SAXO1: variants seen among roughly 807,000 people sequenced by gnomAD.
The protein encoded by SAXO1 is stabilizer of axonemal microtubules 1.
A neutral mutation model predicts 17.5 loss-of-function variants in SAXO1; 21 were observed. That is an observed-to-expected ratio of 1.20 (90% CI 0.85 to 1.72). The LOEUF is 1.72. Ranked by LOEUF, SAXO1 falls within the 40% of genes most tolerant of loss-of-function variation. SAXO1 has a pLI of 0.00. For synonymous variants in SAXO1, 274 were observed against 216.5 expected (o/e 1.27, Z -2.33); for missense variants, 843 against 596.0 (o/e 1.41, Z -4.32).
chr9:18,929,519 T>A (rs1253549453), intron 3 of SAXO1, among the ~76,000 whole-genome samples: 2 of 152,258 alleles, frequency 1.3e-5, no homozygotes, highest in African/African-American at 2.4e-5. Context: ...GCCTACCTGG[T>A]CGTCTGTGGA....
intron 1 of SAXO1, among the ~76,000 whole-genome samples, chr9:18,997,995 C>T (rs760751133): frequency 6.6e-6 from 1 of 152,184 alleles, no homozygotes; most frequent in Non-Finnish European, 1.5e-5. Context: ...GTAGATAAAA[C>T]CTCTAACATG....
chr9:18,977,993 CAAAAA>C lies in SAXO1; in HGVS notation c.39-27061_39-27057del, dbSNP rs371914686. 4.1e-5 allele frequency among the ~76,000 whole-genome samples: 4 copies of C among 98,654 alleles called. No individual in the cohort carries two copies. The East Asian group carries it at 1.3e-3, about 33-fold the overall frequency. The allele number at this position is 98,654 out of a possible 152,430, so 64.7% of individuals were successfully genotyped here. A position where few individuals can be genotyped will look rare whatever the true frequency, so the allele number is the denominator to read the frequency against. ...CCTGGGTAAGAGAATGAGACCCTGC[CAAAAA>C]AAAAAAAAAAAAAAAAAAAAAAAAA... On this transcript the variant is annotated intron_variant, in intron 1 of 3. Coordinates refer to ENST00000380534, the MANE Select transcript of SAXO1 (RefSeq NM_153707.4).
At chr9:18,984,385 G>A (rs936063981) in intron 1 of SAXO1, among the ~76,000 whole-genome samples, 1 of 152,204 alleles carries the variant, frequency 6.6e-6, no homozygotes, top group Non-Finnish European at 1.5e-5. Flanking sequence ...AGCTATAAAA[G>A]TCCTAGATGG....
chr9:18,986,056 T>C (rs1415917202), intron 1 of SAXO1, among the ~76,000 whole-genome samples: 1 of 152,208 alleles, frequency 6.6e-6, no homozygotes, highest in African/African-American at 2.4e-5. Flanking sequence ...TCACACATGA[T>C]TGCACTTTCA....
chr9:19,030,044 G>T (rs148152304), intron 1 of SAXO1, among the ~76,000 whole-genome samples: 1 of 152,338 alleles, frequency 6.6e-6, no homozygotes, highest in African/African-American at 2.4e-5. Flanking sequence ...GATGCATAGA[G>T]GATGAGAACA....
intron 1 of SAXO1, among the ~76,000 whole-genome samples, chr9:18,982,026 A>T (rs752815956): frequency 2.8e-4 from 43 of 152,128 alleles, no homozygotes; most frequent in Non-Finnish European, 5.6e-4. Flanking sequence ...ACCACGCCAG[A>T]GCGACCAGTA....
At chr9:19,037,999 T>C (rs1563997282), upstream of SAXO1, among the ~76,000 whole-genome samples, 1 of 152,148 alleles carries the variant, frequency 6.6e-6, no homozygotes, top group Non-Finnish European at 1.5e-5. Flanking sequence ...CTGTGTATCA[T>C]GAAAAAATGC....
At chr9:19,013,066 C>A (rs1314871711) in intron 1 of SAXO1, among the ~76,000 whole-genome samples, 1 of 152,174 alleles carries the variant, frequency 6.6e-6, no homozygotes. Context: ...AAGCTACACA[C>A]AGGCACCTCT....
At chr9:18,957,388 G>T (rs1029815142) in intron 1 of SAXO1, among the ~76,000 whole-genome samples, 3 of 152,202 alleles carry the variant, frequency 2.0e-5, no homozygotes, top group Non-Finnish European at 4.4e-5. Flanking sequence ...TGGATGCTGA[G>T]TTACTTCCCA....
At chr9:19,043,405 T>C (rs576687789) in intron 1 of SAXO1, among the ~76,000 whole-genome samples, 5 of 152,140 alleles carry the variant, frequency 3.3e-5, no homozygotes, top group African/African-American at 1.2e-4. Flanking sequence ...CTGGGAAGGA[T>C]AACAGGGGGG....
intron 1 of SAXO1, among the ~76,000 whole-genome samples, chr9:19,038,546 G>C (rs1835999618): frequency 7.2e-6 from 1 of 138,838 alleles, no homozygotes; most frequent in African/African-American, 2.7e-5. Context: ...TCATAGATGG[G>C]AATTGAACAA....
At chr9:18,981,901 C>G (rs535553608) in intron 1 of SAXO1, among the ~76,000 whole-genome samples, 81 of 152,334 alleles carry the variant, frequency 5.3e-4, no homozygotes, top group African/African-American at 1.7e-3. Flanking sequence ...CTACATCTTG[C>G]CACACTCAAG....
intron 2 of SAXO1, 100 bp from the exon 3 acceptor site, chr9:18,941,939 G>C: frequency 9.0e-7 from 1 of 1,112,710 alleles, no homozygotes; most frequent in Non-Finnish European, 1.3e-6. Context: ...GAGAAGTCCT[G>C]TTCTACTCTA....
At chr9:18,941,528 T>C (rs973856197) in intron 3 of SAXO1, 109 bp downstream of exon 3, 2 of 1,254,336 alleles carry the variant, frequency 1.6e-6, no homozygotes, top group Non-Finnish European at 2.3e-6. Context: ...CCGTAGGAAG[T>C]AGTCTGCCAA....
chr9:18,974,229 G>C (rs528288088), intron 1 of SAXO1, among the ~76,000 whole-genome samples: 1 of 152,184 alleles, frequency 6.6e-6, no homozygotes, highest in African/African-American at 2.4e-5. Context: ...TCTAAACATG[G>C]AAAGAAGAAA....
intron 1 of SAXO1, among the ~76,000 whole-genome samples, chr9:19,018,849 C>A (rs141550941): frequency 1.1e-3 from 175 of 152,304 alleles, no homozygotes; most frequent in African/African-American, 4.1e-3. Context: ...GTGGCTTACA[C>A]CTGTAATCCC....
intron 1 of SAXO1, among the ~76,000 whole-genome samples, chr9:18,959,235 G>A (rs1386902519): frequency 1.3e-5 from 2 of 152,138 alleles, no homozygotes; most frequent in Non-Finnish European, 2.9e-5. Flanking sequence ...ATGGGGCAGT[G>A]GGTGGAAGAA....
At chr9:19,034,586 C>T, upstream of SAXO1, among the ~76,000 whole-genome samples, 1 of 152,048 alleles carries the variant, frequency 6.6e-6, no homozygotes, top group Middle Eastern at 3.2e-3. Flanking sequence ...GAGTTCCAAC[C>T]CCAGTTATAG....
chr9:18,968,104 T>C (rs1197165244), intron 1 of SAXO1, among the ~76,000 whole-genome samples: 2 of 152,228 alleles, frequency 1.3e-5, no homozygotes, highest in Non-Finnish European at 2.9e-5. Context: ...CCAATGAGAC[T>C]AAGTGAGTAC....
Sources: gnomAD v4.1 joint callset for allele counts (sites outside exome capture counted in the v4.1 genomes callset) on GRCh38, gnomAD v4.1.1 for gene constraint, MANE v1.5 for transcripts, NCBI Gene and HGNC (gene_info 2026-07-23, HGNC 2026-07-21) for gene names.